The following ZNF586 variants were observed in gnomAD, a reference collection of about 807,000 sequenced individuals.
The protein encoded by ZNF586 is zinc finger protein 586.
ZNF586 carries 7 observed loss-of-function variants against 6.7 expected under a neutral mutation model. The observed-to-expected ratio is 1.04, with a 90% confidence interval of 0.59 to 1.95. ZNF586 has a LOEUF of 1.95. ZNF586 is among the 30% of genes most tolerant of loss of function. The pLI is 0.00. For synonymous variants in ZNF586, 166 were observed against 168.7 expected (o/e 0.98, Z 0.12); for missense variants, 442 against 489.6 (o/e 0.90, Z 0.92).
chr19:57,777,420 A>G (rs912797702), intron 2 of ZNF586, among the ~76,000 whole-genome samples: 5 of 152,174 alleles, frequency 3.3e-5, no homozygotes, highest in Non-Finnish European at 7.3e-5. Context: ...CAGCCTTAGC[A>G]AGGACTTGGG....
At chr19:57,777,063 C>G (rs1412464779) in intron 2 of ZNF586, among the ~76,000 whole-genome samples, 2 of 152,130 alleles carry the variant, frequency 1.3e-5, no homozygotes, top group African/African-American at 2.4e-5. Context: ...TGAACCACAG[C>G]CTATTCTTGC....
At position 57,779,389 on chromosome 19, in the gene ZNF586, G is replaced by A. The variant is rs748103748; in HGVS notation, c.802G>A (p.Gly268Arg). 1.2e-6 allele frequency: 2 copies of A among 1,613,092 alleles called. No homozygotes were observed. The highest frequency in any genetic ancestry group is 4.5e-5 in the East Asian group (2 of 44,824). The change falls in exon 3 of 3, where the codon GGA becomes AGA. Residue 268 changes from glycine to arginine, a missense_variant. Gly to Arg is a moderately radical substitution (Grantham distance 125). Coordinates refer to ENST00000396154, the MANE Select transcript of ZNF586 (RefSeq NM_017652.4). The stretch of plus-strand genomic sequence containing the variant: ...AAGGCCTTATGAATGCGTTGAGTGT[G>A]GAAAATCATTTCGCCGAAGCTCTTC... ...GERPYECVEC[G>R]KSFRRSSSLL...
chr19:57,775,703 A>C (rs1555766957), intron 1 of ZNF586, among the ~76,000 whole-genome samples: 1 of 150,846 alleles, frequency 6.6e-6, no homozygotes, highest in Non-Finnish European at 1.5e-5. Flanking sequence ...CCTGGGTTCA[A>C]ATGATTCTCC....
At position 57,779,819 on chromosome 19, in the gene ZNF586, GC is replaced by G; in HGVS notation, c.*26del. ...TGAAGCAAATTTTGGAAATTCTCTT[GC>G]CCAGGCTTTTTGCTCCTTCAAGGCC... On this transcript the variant is annotated 3_prime_UTR_variant, in exon 3 of 3. Transcript: ENST00000396154. The G allele has an allele frequency of 6.4e-7, 1 of 1,551,324 alleles. No individual in the cohort carries two copies. Among genetic ancestry groups the G allele is most frequent in the Non-Finnish European group, 8.7e-7 (1 of 1,150,244 alleles).
chr19:57,770,006 G>A (rs2285614), intron 1 of ZNF586, 128 bp downstream of exon 1: 298,026 of 899,224 alleles, frequency 0.33, 52,453 homozygotes, highest in East Asian at 0.53. Flanking sequence ...GCGCCGGCGG[G>A]TGGGATCCCT....
At chr19:57,778,531 C>A (rs977133334) in intron 2 of ZNF586, among the ~76,000 whole-genome samples, 2 of 152,106 alleles carry the variant, frequency 1.3e-5, no homozygotes, top group Non-Finnish European at 2.9e-5. Flanking sequence ...TAGACCCTGC[C>A]TTTATTCTGT....
intron 1 of ZNF586, among the ~76,000 whole-genome samples, chr19:57,770,704 T>A (rs903937391): frequency 2.0e-5 from 3 of 152,182 alleles, no homozygotes; most frequent in Admixed American, 6.5e-5. Context: ...CCTGAGTCTA[T>A]CAAATCCGAG....
chr19:57,775,252 C>T (rs1178664882), intron 1 of ZNF586, among the ~76,000 whole-genome samples: 1 of 152,168 alleles, frequency 6.6e-6, no homozygotes, highest in African/African-American at 2.4e-5. Context: ...ACCTCGGCCT[C>T]CCAAAGTGCA....
chr19:57,776,647 C>T lies in ZNF586; in HGVS notation c.141C>T (p.Thr47=), dbSNP rs1163457387. ...RCLYRDVMLE[T]LTLISSLGCW... ...TGTACCGTGACGTGATGCTGGAGAC[C>T]TTGACACTTATATCCTCCCTGGGTA... The change falls in exon 2 of 3, where the codon ACC becomes ACT. Residue 47 remains threonine (T), a synonymous_variant. Coordinates refer to ENST00000396154, the MANE Select transcript of ZNF586 (RefSeq NM_017652.4). 4 of 1,608,332 alleles carry T rather than the reference C, an allele frequency of 2.5e-6. No individual in the cohort carries two copies. The highest frequency in any genetic ancestry group is 3.4e-5 in the Admixed American group (2 of 58,652).
chr19:57,774,887 C>G (rs1480465237), intron 1 of ZNF586: 4 of 282,314 alleles, frequency 1.4e-5, no homozygotes, highest in South Asian at 2.7e-4. Flanking sequence ...GCAAATCTCC[C>G]TCCCCACTCT....
intron 1 of ZNF586, among the ~76,000 whole-genome samples, chr19:57,773,037 A>G (rs1285377827): frequency 6.6e-6 from 1 of 152,212 alleles, no homozygotes; most frequent in Non-Finnish European, 1.5e-5. Context: ...TAGGAGTTGC[A>G]TGCCAGAAAA....
intron 1 of ZNF586, among the ~76,000 whole-genome samples, chr19:57,773,400 T>G (rs1568482629): frequency 8.0e-6 from 1 of 124,852 alleles, no homozygotes; most frequent in Non-Finnish European, 1.6e-5. Context: ...TTTCTTCTTC[T>G]TCTTTTTTTT....
intron 2 of ZNF586, 89 bp from the exon 3 acceptor site, chr19:57,778,662 T>C: frequency 2.4e-6 from 3 of 1,232,280 alleles, no homozygotes; most frequent in Non-Finnish European, 3.4e-6. Flanking sequence ...TTCCATAGAC[T>C]AGTTTTTTGG....
At chr19:57,777,228 C>T (rs1254381990) in intron 2 of ZNF586, among the ~76,000 whole-genome samples, 2 of 152,164 alleles carry the variant, frequency 1.3e-5, no homozygotes, top group Non-Finnish European at 2.9e-5. Context: ...GGAAGGAATT[C>T]TTTTTGTAAT....
intron 2 of ZNF586, 87 bp from the exon 3 acceptor site, chr19:57,778,664 G>GT (rs1330072402): frequency 6.9e-6 from 9 of 1,296,444 alleles, no homozygotes; most frequent in Non-Finnish European, 8.5e-6. Context: ...CCATAGACTA[G>GT]TTTTTTGGTT....
At chr19:57,771,006 A>T (rs62128155) in intron 1 of ZNF586, among the ~76,000 whole-genome samples, 22,848 of 151,890 alleles carry the variant, frequency 0.15, 1,931 homozygotes, top group East Asian at 0.2. Context: ...TTTTTAGTAG[A>T]GGTGGGGTTT....
intron 2 of ZNF586, among the ~76,000 whole-genome samples, chr19:57,778,073 C>CT (rs35697388): frequency 0.17 from 22,068 of 131,438 alleles, 1,878 homozygotes; most frequent in East Asian, 0.2. Flanking sequence ...AGTATATAAT[C>CT]TTTTTTTTTT....
At chr19:57,770,480 C>T (rs1379120023) in intron 1 of ZNF586, among the ~76,000 whole-genome samples, 2 of 152,110 alleles carry the variant, frequency 1.3e-5, no homozygotes, top group East Asian at 1.9e-4. Context: ...ACTGTGAGGA[C>T]GCTAAAAGCC....
chr19:57,778,758 G>C lies in ZNF586; in HGVS notation c.171G>C (p.Trp57Cys). 1 of 1,603,188 alleles carries C rather than the reference G, an allele frequency of 6.2e-7. No homozygotes were observed. The highest frequency in any genetic ancestry group is 8.5e-7 in the Non-Finnish European group (1 of 1,174,222). The change falls in exon 3 of 3, where the codon TGG (tryptophan) becomes TGC (cysteine). Residue 57 changes from tryptophan (W) to cysteine (C), a missense_variant. Transcript: ENST00000396154. ...TLTLISSLGC[W>C]HGGEDEAAPS... is the part of the protein sequence containing the mutation. ...GCATTTCTTTGCTTTTAGGTTGTTG[G>C]CATGGAGGGGAAGATGAGGCAGCAC...
Sources: allele counts gnomAD v4.1 joint callset (sites outside exome capture counted in the v4.1 genomes callset), GRCh38; gene constraint gnomAD v4.1.1; transcripts MANE v1.5; gene names NCBI Gene and HGNC (gene_info 2026-07-23, HGNC 2026-07-21).